Variants in TLCD4 observed in about 807,000 individuals in gnomAD.
TLCD4 encodes TLC domain containing 4.
TLCD4 carries 7 observed loss-of-function variants against 24.2 expected under a neutral mutation model. That is an observed-to-expected ratio of 0.29 (90% confidence interval 0.16 to 0.54). The LOEUF (loss-of-function observed/expected upper bound fraction) is 0.54, where lower values mean the gene tolerates loss of function less well. Among genes scored for constraint, TLCD4 ranks in the 20% least tolerant of loss-of-function variants. The pLI is 0.95. For missense variants in TLCD4, 259 were observed against 313.9 expected (o/e 0.82, Z 1.32); for synonymous variants, 103 against 106.4 (o/e 0.97, Z 0.20).
chr1:95,190,327 C>T (rs1354557435), intron 6 of TLCD4, among the ~76,000 whole-genome samples: 2 of 147,408 alleles, frequency 1.4e-5, no homozygotes, highest in East Asian at 3.9e-4. Flanking sequence ...GGTTTCTTTT[C>T]TTTTCTTTTC....
chr1:95,099,053 C>CAAAAAAATAAA, the TLCD4 span, among the ~76,000 whole-genome samples: 1 of 70,656 alleles, frequency 1.4e-5, no homozygotes, highest in Non-Finnish European at 2.6e-5. Flanking sequence ...AACTCTGTCT[C>CAAAAAAATAAA]AAAAAAAAAA....
intron 5 of TLCD4, among the ~76,000 whole-genome samples, chr1:95,165,427 G>C (rs1049202607): frequency 4.7e-5 from 7 of 150,236 alleles, no homozygotes; most frequent in Non-Finnish European, 1.0e-4. Context: ...TAATTTTGTT[G>C]AGTGGAATTC....
At chr1:95,116,507 A>G (rs1676432633), upstream of TLCD4, among the ~76,000 whole-genome samples, 1 of 152,190 alleles carries the variant, frequency 6.6e-6, no homozygotes. Flanking sequence ...TTTACAAATT[A>G]TTTATTTAGA....
intron 6 of TLCD4, among the ~76,000 whole-genome samples, chr1:95,183,230 T>C (rs1453967506): frequency 2.6e-5 from 4 of 152,116 alleles, no homozygotes; most frequent in Non-Finnish European, 5.9e-5. Flanking sequence ...ACTAGAGAGA[T>C]GACAAAATAG....
chr1:95,146,466 G>A (rs34203531), intron 2 of TLCD4, among the ~76,000 whole-genome samples: 1 of 151,770 alleles, frequency 6.6e-6, no homozygotes, highest in African/African-American at 2.4e-5. Flanking sequence ...ACTTAAAATT[G>A]CTATTCTAAA....
chr1:95,175,126 A>G (rs1678377262), intron 6 of TLCD4, among the ~76,000 whole-genome samples: 1 of 152,176 alleles, frequency 6.6e-6, no homozygotes, highest in Non-Finnish European at 1.5e-5. Context: ...GTATATTCAC[A>G]TTATTGTGCA....
At chr1:95,109,858 T>C in the TLCD4 span, among the ~76,000 whole-genome samples, 2 of 148,648 alleles carry the variant, frequency 1.3e-5, no homozygotes, top group African/African-American at 2.5e-5. Context: ...TCTTCTTTTA[T>C]TTTGTAAGAG....
chr1:95,119,043 A>C lies in TLCD4; in HGVS notation c.-12+1426A>C, dbSNP rs191796171. On this transcript the variant is annotated intron_variant, in intron 1 of 6. Coordinates refer to ENST00000370203, the MANE Select transcript of TLCD4 (RefSeq NM_152487.3). ...GATGAATTTTATCTGTTTAGGCTGGATGCCTCTGACCCAGCTGCCCAATCA... is the reference window on the plus strand; with the variant it reads ...GATGAATTTTATCTGTTTAGGCTGGCTGCCTCTGACCCAGCTGCCCAATCA... Among the ~76,000 whole-genome samples the C allele has an allele frequency of 2.0e-5, 3 of 152,242 alleles. No individual in the cohort carries two copies. The East Asian group carries it at 5.8e-4, about 29-fold the overall frequency.
intron 6 of TLCD4, among the ~76,000 whole-genome samples, chr1:95,176,365 A>G (rs1377913384): frequency 6.7e-6 from 1 of 149,528 alleles, no homozygotes; most frequent in Non-Finnish European, 1.5e-5. Context: ...CTAATTTTGT[A>G]TTTTTCGTAG....
At chr1:95,181,395 A>T (rs1319548124) in intron 6 of TLCD4, among the ~76,000 whole-genome samples, 2 of 152,136 alleles carry the variant, frequency 1.3e-5, no homozygotes, top group Non-Finnish European at 2.9e-5. Context: ...AAAGTATTTT[A>T]GTGGCCTTTT....
At chr1:95,189,130 C>T (rs987533821) in intron 6 of TLCD4, among the ~76,000 whole-genome samples, 1 of 152,130 alleles carries the variant, frequency 6.6e-6, no homozygotes. Context: ...ACCTGGTTCC[C>T]ACTATTTTTC....
chr1:95,149,634 G>A (rs1192970781), intron 3 of TLCD4, among the ~76,000 whole-genome samples: 3 of 151,940 alleles, frequency 2.0e-5, no homozygotes, highest in Non-Finnish European at 4.4e-5. Flanking sequence ...TCCATGACTA[G>A]GTTTTTAAAT....
the TLCD4 span, among the ~76,000 whole-genome samples, chr1:95,100,431 T>C: frequency 6.6e-6 from 1 of 152,026 alleles, no homozygotes; most frequent in African/African-American, 2.4e-5. Flanking sequence ...AAAAATTAGC[T>C]GGGCATGATG....
At chr1:95,168,913 C>T (rs373898745) in intron 5 of TLCD4, among the ~76,000 whole-genome samples, 4 of 152,104 alleles carry the variant, frequency 2.6e-5, no homozygotes, top group Admixed American at 6.6e-5. Context: ...GAGAGATCTG[C>T]GGAGCCAATT....
chr1:95,093,644 T>C, the TLCD4 span, among the ~76,000 whole-genome samples: 1 of 152,238 alleles, frequency 6.6e-6, no homozygotes, highest in Non-Finnish European at 1.5e-5. Context: ...CACCTTCATG[T>C]AATGCAGTCT....
the TLCD4 span, among the ~76,000 whole-genome samples, chr1:95,093,859 C>T: frequency 6.6e-6 from 1 of 152,114 alleles, no homozygotes; most frequent in Non-Finnish European, 1.5e-5. Flanking sequence ...TTACCTTAAC[C>T]ACATATCTCT....
chr1:95,113,262 T>G (rs1330534680), upstream of TLCD4, among the ~76,000 whole-genome samples: 1 of 152,112 alleles, frequency 6.6e-6, no homozygotes, highest in East Asian at 1.9e-4. Flanking sequence ...AGGCTGGTGG[T>G]CTCAACCTCC....
intron 5 of TLCD4, among the ~76,000 whole-genome samples, chr1:95,157,660 C>G (rs1404303827): frequency 6.6e-6 from 1 of 152,198 alleles, no homozygotes; most frequent in Non-Finnish European, 1.5e-5. Flanking sequence ...TATCTAAAGG[C>G]TCATTGGTAG....
intron 2 of TLCD4, among the ~76,000 whole-genome samples, chr1:95,146,558 A>G (rs1185152060): frequency 3.9e-5 from 6 of 152,282 alleles, no homozygotes; most frequent in African/African-American, 1.4e-4. Flanking sequence ...AAAAAAATTG[A>G]AATATTTTAT....
Sources: allele counts gnomAD v4.1 joint callset (sites outside exome capture counted in the v4.1 genomes callset), GRCh38; gene constraint gnomAD v4.1.1; transcripts MANE v1.5; gene names NCBI Gene and HGNC (gene_info 2026-07-23, HGNC 2026-07-21).